Variants in DST observed in about 807,000 individuals in gnomAD.
DST encodes the protein bullous pemphigoid antigen.
In DST, 253 loss-of-function variants were observed where a neutral mutation model predicts 875.2. The observed-to-expected ratio is 0.29, with a 90% confidence interval of 0.26 to 0.32. DST has a LOEUF of 0.32. DST is among the 10% of genes least tolerant of loss of function. The probability of loss-of-function intolerance (pLI) is 1.00; values close to 1 mark genes in which losing one functional copy is unlikely to be tolerated. For missense variants in DST, 8,287 were observed against 9,111.6 expected (o/e 0.91, Z 3.68); for synonymous variants, 3,124 against 3,197.1 (o/e 0.98, Z 0.77).
At chr6:56,937,561 A>AT (rs1457404551) in intron 2 of DST, among the ~76,000 whole-genome samples, 2 of 152,210 alleles carry the variant, frequency 1.3e-5, no homozygotes, top group Non-Finnish European at 2.9e-5. Flanking sequence ...GCTGATGAGA[A>AT]TATTAAATTG....
Position 56,631,863 on chromosome 6 carries a change from AACATATTTATAGCTCTC to A in DST, c.3963+3_3963+19del. ...CATTAAGAGAGTTAGTTTTTTTCCC[AACATATTTATAGCTCTC>A]ACCTCCTGTTCTGTGATTCTGAACA... On this transcript the variant is annotated splice_donor_5th_base_variant and intron_variant, in intron 29 of 103. Transcript: ENST00000680361. 6.2e-7 allele frequency: 1 copy of A among 1,612,816 alleles called. No individual in the cohort carries two copies. The highest frequency in any genetic ancestry group is 2.2e-5 in the East Asian group (1 of 44,820).
intron 4 of DST, among the ~76,000 whole-genome samples, chr6:56,800,620 A>G (rs920181079): frequency 3.3e-5 from 5 of 152,212 alleles, no homozygotes; most frequent in Non-Finnish European, 7.3e-5. Context: ...AAGAAACTCA[A>G]CAAGTTTCAA....
intron 90 of DST, among the ~76,000 whole-genome samples, chr6:56,481,621 G>C (rs2095404760): frequency 6.6e-6 from 1 of 152,206 alleles, no homozygotes; most frequent in Non-Finnish European, 1.5e-5. Context: ...TAAATTACCT[G>C]TGTGTCTTGT....
rs545886670 is a variant in DST, at chr6:56,582,745, C to T, written c.12904-3808G>A. ...TATCTCCTAATGCTATCTCTCCCCC[C>T]TACCCCCACCCCACAACAGGCCCCA... On this transcript the variant is annotated intron_variant, in intron 49 of 103. Coordinates refer to ENST00000680361, the MANE Select transcript of DST (RefSeq NM_001374736.1). Among the ~76,000 whole-genome samples the T allele has an allele frequency of 8.5e-5, 13 of 152,160 alleles. No individual in the cohort carries two copies. The East Asian group carries it at 1.9e-3, about 23-fold the overall frequency.
At chr6:56,658,199 C>T (rs2152808354) in intron 10 of DST, among the ~76,000 whole-genome samples, 1 of 152,218 alleles carries the variant, frequency 6.6e-6, no homozygotes, top group South Asian at 2.1e-4. Context: ...TCCCGAGTAG[C>T]TAGGAATTCT....
At chr6:56,486,932 A>G (rs961617636) in intron 87 of DST, among the ~76,000 whole-genome samples, 172 bp downstream of exon 87, 1 of 152,144 alleles carries the variant, frequency 6.6e-6, no homozygotes, top group African/African-American at 2.4e-5. Context: ...AAATTAATGA[A>G]CAGCAAAGAC....
At chr6:56,505,008 T>A (rs2096266172) in intron 77 of DST, among the ~76,000 whole-genome samples, 1 of 152,128 alleles carries the variant, frequency 6.6e-6, no homozygotes, top group Admixed American at 6.5e-5. Flanking sequence ...ATTTTGCACT[T>A]TAATGAAGTT....
rs772533817 is a variant in DST at position 56,555,890 on chromosome 6, G to C, written c.14641-50C>G. Reference sequence around the variant, plus strand: ...GCAAATTATTATATAATTGATTGTAGAAAACACAGATTTGGTGTCCAAACA... The same window carrying C: ...GCAAATTATTATATAATTGATTGTACAAAACACAGATTTGGTGTCCAAACA... On this transcript the variant is annotated intron_variant, in intron 59 of 103. Transcript: ENST00000680361. 9 of 1,400,804 alleles carry C rather than the reference G, an allele frequency of 6.4e-6. No individual in the cohort carries two copies. In the African/African-American group the frequency reaches 8.7e-5, roughly 13 times the overall value. 86.8% of individuals were successfully genotyped at this position (1,400,804 alleles called of 1,614,324 possible).
chr6:56,925,225 T>C (rs1380617909), intron 2 of DST, among the ~76,000 whole-genome samples: 1 of 152,054 alleles, frequency 6.6e-6, no homozygotes, highest in Non-Finnish European at 1.5e-5. Flanking sequence ...ACACTAGTGT[T>C]GTTTTTTTTC....
intron 3 of DST, among the ~76,000 whole-genome samples, chr6:56,866,741 A>G (rs980187819): frequency 2.6e-5 from 4 of 152,166 alleles, no homozygotes; most frequent in African/African-American, 9.7e-5. Context: ...TCCACCAGAA[A>G]GTAAGCCCTT....
At chr6:56,469,822 T>C (rs775129465) in intron 97 of DST, 61 bp downstream of exon 97, 3 of 1,417,870 alleles carry the variant, frequency 2.1e-6, no homozygotes, top group African/African-American at 1.4e-5. Flanking sequence ...GGAGATCAAA[T>C]TGTATACAGA....
At chr6:56,460,474 T>A (rs1385214160) in intron 102 of DST, 8 of 446,180 alleles carry the variant, frequency 1.8e-5, no homozygotes, top group Non-Finnish European at 3.2e-5. Flanking sequence ...TTCTAAACAA[T>A]ATGAATTCAT....
In DST at chr6:56,821,027, C is replaced by G. The variant is rs1266291318; in HGVS notation, c.625+30370G>C. ...ATTCTTTTAAAATAACACGGCTAAT[C>G]TGCCATGCTTCAATATGGAGGCCAC... On this transcript the variant is annotated intron_variant, in intron 4 of 103. Coordinates refer to ENST00000680361, the MANE Select transcript of DST (RefSeq NM_001374736.1). Among the ~76,000 whole-genome samples the G allele has an allele frequency of 3.3e-5, 5 of 152,326 alleles. No individual in the cohort carries two copies. The East Asian group carries it at 5.8e-4, about 18-fold the overall frequency.
intron 4 of DST, among the ~76,000 whole-genome samples, chr6:56,774,197 G>A (rs892215109): frequency 6.6e-6 from 1 of 151,644 alleles, no homozygotes; most frequent in Admixed American, 6.6e-5. Flanking sequence ...ACTATCCATG[G>A]TTCTCTAACT....
chr6:56,726,094 A>G (rs2099455624), intron 5 of DST, among the ~76,000 whole-genome samples: 1 of 152,220 alleles, frequency 6.6e-6, no homozygotes, highest in Non-Finnish European at 1.5e-5. Context: ...CAGCTTCAAC[A>G]GCTTCCCTTT....
intron 36 of DST, chr6:56,618,226 T>G (rs138015691): frequency 6.2e-7 from 1 of 1,614,196 alleles, no homozygotes; most frequent in Non-Finnish European, 8.5e-7. Context: ...GGAATTGGAC[T>G]TCTTTGGGTA....
At chr6:56,873,663 G>T (rs975803097) in intron 3 of DST, among the ~76,000 whole-genome samples, 1 of 152,116 alleles carries the variant, frequency 6.6e-6, no homozygotes, top group Non-Finnish European at 1.5e-5. Flanking sequence ...TTAAAATAGT[G>T]GATCTCATGA....
intron 47 of DST, among the ~76,000 whole-genome samples, chr6:56,595,512 C>T (rs757618509): frequency 1.4e-4 from 21 of 151,978 alleles, no homozygotes; most frequent in Non-Finnish European, 2.9e-4. Context: ...CTGTGTAATC[C>T]CAAGTACTTA....
intron 36 of DST, chr6:56,620,822 C>G: frequency 9.8e-7 from 1 of 1,016,252 alleles, no homozygotes; most frequent in East Asian, 2.5e-5. Context: ...AACTCAAATG[C>G]AGAACAAGCG....
Sources: allele counts gnomAD v4.1 joint callset (sites outside exome capture counted in the v4.1 genomes callset), GRCh38; gene constraint gnomAD v4.1.1; transcripts MANE v1.5; gene names NCBI Gene and HGNC (gene_info 2026-07-23, HGNC 2026-07-21).